The following GABRG3 variants were observed in gnomAD, a reference collection of about 807,000 sequenced individuals.
GABRG3 encodes gamma-aminobutyric acid type A receptor subunit gamma3, also known as gamma-aminobutyric acid receptor subunit gamma-3.
GABRG3 carries 25 observed loss-of-function variants against 48.8 expected under a neutral mutation model. The observed-to-expected ratio is 0.51, with a 90% confidence interval of 0.37 to 0.72. The LOEUF (loss-of-function observed/expected upper bound fraction) is 0.72, where lower values mean the gene tolerates loss of function less well. GABRG3 is among the 30% of genes least tolerant of loss of function. GABRG3 has a pLI of 0.00. For missense variants in GABRG3, 394 were observed against 577.9 expected, an observed-to-expected ratio of 0.68 and a Z score of 3.26; for synonymous variants, 227 against 217.6, an observed-to-expected ratio of 1.04 and a Z score of -0.38.
At chr15:26,991,351 T>C (rs1430782556) in intron 2 of GABRG3, among the ~76,000 whole-genome samples, 2 of 152,106 alleles carry the variant, frequency 1.3e-5, no homozygotes, top group Non-Finnish European at 2.9e-5. Context: ...AGTCAGGTAA[T>C]ATGATTCGTT....
At chr15:27,017,158 G>A (rs1895793672) in intron 2 of GABRG3, among the ~76,000 whole-genome samples, 1 of 152,090 alleles carries the variant, frequency 6.6e-6, no homozygotes, top group Non-Finnish European at 1.5e-5. Context: ...TTTGTGGTCT[G>A]GTTTCATGCA....
intron 7 of GABRG3, 76 bp downstream of exon 7, chr15:27,520,200 T>TA: frequency 7.6e-7 from 1 of 1,320,994 alleles, no homozygotes; most frequent in Non-Finnish European, 1.1e-6. Flanking sequence ...ACCTTCAATG[T>TA]AAAAGACTAT....
At chr15:27,500,007 G>A (rs112999518) in intron 6 of GABRG3, among the ~76,000 whole-genome samples, 8 of 152,268 alleles carry the variant, frequency 5.3e-5, no homozygotes, top group African/African-American at 1.9e-4. Flanking sequence ...GCAAAAAGAG[G>A]GTCAGTGTCT....
intron 6 of GABRG3, among the ~76,000 whole-genome samples, chr15:27,501,163 G>A (rs899924306): frequency 2.6e-5 from 4 of 152,062 alleles, no homozygotes; most frequent in South Asian, 4.1e-4. Flanking sequence ...GTGTTAACCA[G>A]GATGGTCTCG....
chr15:27,202,049 T>C (rs1001290144), intron 3 of GABRG3, among the ~76,000 whole-genome samples: 1 of 152,204 alleles, frequency 6.6e-6, no homozygotes, highest in Non-Finnish European at 1.5e-5. Context: ...AATTTTCATT[T>C]TGCTATCACC....
At chr15:27,159,198 C>G (rs1460420448) in intron 3 of GABRG3, among the ~76,000 whole-genome samples, 1 of 152,072 alleles carries the variant, frequency 6.6e-6, no homozygotes, top group South Asian at 2.1e-4. Context: ...AAGAAAAATA[C>G]AGGCCGGGCA....
chr15:26,994,261 G>A (rs115282820), intron 2 of GABRG3, among the ~76,000 whole-genome samples: 23 of 151,514 alleles, frequency 1.5e-4, no homozygotes, highest in Non-Finnish European at 2.8e-4. Flanking sequence ...GATATTCTCG[G>A]TTTTTTGCAG....
At chr15:27,107,821 G>A (rs1340843661) in intron 3 of GABRG3, among the ~76,000 whole-genome samples, 1 of 151,316 alleles carries the variant, frequency 6.6e-6, no homozygotes, top group African/African-American at 2.4e-5. Context: ...TATTAAATTT[G>A]TTGATATAGT....
In GABRG3 at chr15:27,227,507, A is replaced by T. The variant is rs1889660862; in HGVS notation, c.271-99302A>T. Among the ~76,000 whole-genome samples, 2 of 151,494 alleles carry T rather than the reference A, an allele frequency of 1.3e-5. 1 individual carries two copies. ...GAGTGAGATTCTGTCTCAAAAAAAT[A>T]AAAAATGTAATAAAATATATATTTT... is the stretch of plus-strand genomic sequence containing the variant. On this transcript the variant is annotated intron_variant, in intron 3 of 9. Transcript: ENST00000615808.
chr15:27,268,249 A>G (rs1890981097), intron 3 of GABRG3, among the ~76,000 whole-genome samples: 1 of 152,218 alleles, frequency 6.6e-6, no homozygotes, highest in Non-Finnish European at 1.5e-5. Context: ...CTATTTCTTC[A>G]GTGCAATTTG....
chr15:27,288,645 G>A (rs931511080), intron 3 of GABRG3, among the ~76,000 whole-genome samples: 1 of 151,730 alleles, frequency 6.6e-6, no homozygotes, highest in African/African-American at 2.4e-5. Flanking sequence ...CCCAGGAGGT[G>A]GAGGTTGCAG....
chr15:27,276,263 T>C (rs1047419698), intron 3 of GABRG3, among the ~76,000 whole-genome samples: 2 of 152,162 alleles, frequency 1.3e-5, no homozygotes, highest in Admixed American at 6.5e-5. Context: ...GGGGAACATA[T>C]TTGGCTTTTT....
intron 5 of GABRG3, among the ~76,000 whole-genome samples, chr15:27,430,531 C>T (rs1479787931): frequency 6.6e-6 from 1 of 152,066 alleles, no homozygotes; most frequent in Non-Finnish European, 1.5e-5. Context: ...ATAGTTTTAA[C>T]ACTGGCATCT....
intron 3 of GABRG3, among the ~76,000 whole-genome samples, chr15:27,175,089 G>A (rs1257655240): frequency 6.6e-6 from 1 of 152,142 alleles, no homozygotes; most frequent in African/African-American, 2.4e-5. Context: ...GGGGATGGTG[G>A]GTTTTGCTGT....
chr15:27,327,042 A>T lies in GABRG3; in HGVS notation c.491+13A>T. 6.2e-7 allele frequency: 1 copy of T among 1,602,436 alleles called. No homozygotes were observed. The highest frequency in any genetic ancestry group is 2.2e-5 in the East Asian group (1 of 44,682). On this transcript the variant is annotated intron_variant, in intron 4 of 9. Coordinates refer to ENST00000615808, the MANE Select transcript of GABRG3 (RefSeq NM_033223.5). The stretch of plus-strand genomic sequence containing the variant: ...TTTACACTTTGAGGTAAGATGCTGC[A>T]TCGATCTTTGATTACTCCTGGTTTA...
At chr15:27,523,968 A>T (rs139125961) in intron 7 of GABRG3, among the ~76,000 whole-genome samples, 1 of 151,270 alleles carries the variant, frequency 6.6e-6, no homozygotes. Flanking sequence ...TAAAAAAAAT[A>T]TTCAAAGAAA....
intron 3 of GABRG3, among the ~76,000 whole-genome samples, chr15:27,156,374 A>C (rs1384924192): frequency 6.6e-6 from 1 of 151,336 alleles, no homozygotes; most frequent in African/African-American, 2.4e-5. Context: ...CTTGTCCTTT[A>C]ACTAGAGAGA....
At chr15:27,219,443 C>T (rs1302789750) in intron 3 of GABRG3, among the ~76,000 whole-genome samples, 1 of 152,200 alleles carries the variant, frequency 6.6e-6, no homozygotes, top group East Asian at 1.9e-4. Context: ...GAGTGAGACA[C>T]ATTCTGTGGG....
At chr15:27,418,341 G>A (rs548740925) in intron 5 of GABRG3, among the ~76,000 whole-genome samples, 1 of 152,354 alleles carries the variant, frequency 6.6e-6, no homozygotes, top group East Asian at 1.9e-4. Context: ...ACACAGCAAG[G>A]CTGTCCAGGA....
Sources: allele counts gnomAD v4.1 joint callset (sites outside exome capture counted in the v4.1 genomes callset), GRCh38; gene constraint gnomAD v4.1.1; transcripts MANE v1.5; gene names NCBI Gene and HGNC (gene_info 2026-07-23, HGNC 2026-07-21).